UBE2G1: variants seen among roughly 807,000 people sequenced by gnomAD.
UBE2G1 encodes ubiquitin-conjugating enzyme E2 G1.
A neutral mutation model predicts 22.7 loss-of-function variants in UBE2G1; 5 were observed. The observed-to-expected ratio is 0.22, with a 90% CI of 0.12 to 0.46. UBE2G1 has a LOEUF of 0.46. Among genes scored for constraint, UBE2G1 ranks in the 20% least tolerant of loss-of-function variants. The pLI is 0.99. For synonymous variants in UBE2G1, 74 were observed against 67.5 expected (o/e 1.10, Z -0.47); for missense variants, 88 against 203.9 (o/e 0.43, Z 3.46).
chr17:4,279,603 A>G lies in UBE2G1; in HGVS notation c.*37+3195T>C, dbSNP rs1000494700. The stretch of plus-strand genomic sequence containing the variant: ...CATAAAGGAAAAGACTAATCAATTC[A>G]CCTGCATTAAAATTAAGAACCTCAG... On this transcript the variant is annotated intron_variant, in intron 5 of 5. Coordinates refer to ENST00000396981, the MANE Select transcript of UBE2G1 (RefSeq NM_003342.5). Among the ~76,000 whole-genome samples, 6 of 152,096 alleles carry G rather than the reference A, an allele frequency of 3.9e-5. No homozygotes were observed. In the South Asian group the frequency reaches 1.2e-3, roughly 32 times the overall value.
chr17:4,301,197 C>G (rs1192542331), intron 2 of UBE2G1, among the ~76,000 whole-genome samples: 1 of 152,224 alleles, frequency 6.6e-6, no homozygotes, highest in Non-Finnish European at 1.5e-5. Context: ...CTTGTCCATT[C>G]ATTCTATCCG....
At chr17:4,319,970 T>G (rs534368721) in intron 1 of UBE2G1, among the ~76,000 whole-genome samples, 1 of 152,050 alleles carries the variant, frequency 6.6e-6, no homozygotes, top group African/African-American at 2.4e-5. Flanking sequence ...AGCTTTTATA[T>G]ATATATATTT....
chr17:4,318,354 G>C (rs539842811), intron 1 of UBE2G1, among the ~76,000 whole-genome samples: 1 of 152,106 alleles, frequency 6.6e-6, no homozygotes, highest in Non-Finnish European at 1.5e-5. Context: ...GTTTCTAGTA[G>C]GACTGCCAAA....
At chr17:4,355,255 G>A (rs1051749604) in intron 1 of UBE2G1, among the ~76,000 whole-genome samples, 6 of 150,880 alleles carry the variant, frequency 4.0e-5, no homozygotes, top group African/African-American at 1.2e-4. Context: ...CACCTGCCTC[G>A]GCCTCCCAAA....
chr17:4,285,980 G>A (rs1298220368), intron 4 of UBE2G1, among the ~76,000 whole-genome samples: 1 of 151,556 alleles, frequency 6.6e-6, no homozygotes, highest in East Asian at 1.9e-4. Context: ...AGCCAAAGAA[G>A]AAAGGGACCC....
intron 1 of UBE2G1, among the ~76,000 whole-genome samples, chr17:4,346,796 C>T (rs1250348296): frequency 6.6e-6 from 1 of 151,942 alleles, no homozygotes; most frequent in Non-Finnish European, 1.5e-5. Context: ...CTCTGTGATT[C>T]ATTCAAAATA....
intron 3 of UBE2G1, among the ~76,000 whole-genome samples, chr17:4,294,727 C>A (rs991685648): frequency 6.6e-6 from 1 of 151,950 alleles, no homozygotes; most frequent in Non-Finnish European, 1.5e-5. Flanking sequence ...GCCTGGCCAA[C>A]AACATGGTGA....
At chr17:4,282,185 C>T (rs1436305037) in intron 5 of UBE2G1, among the ~76,000 whole-genome samples, 1 of 152,140 alleles carries the variant, frequency 6.6e-6, no homozygotes, top group Non-Finnish European at 1.5e-5. Flanking sequence ...CAGGTTCAAG[C>T]GATTCTCCTC....
intron 5 of UBE2G1, among the ~76,000 whole-genome samples, chr17:4,272,782 T>C (rs748803649): frequency 1.3e-5 from 2 of 152,210 alleles, no homozygotes; most frequent in African/African-American, 2.4e-5. Flanking sequence ...CACATGTGGC[T>C]AGTGACTGGC....
At chr17:4,298,820 T>C (rs1387366924) in intron 2 of UBE2G1, among the ~76,000 whole-genome samples, 5 of 152,184 alleles carry the variant, frequency 3.3e-5, no homozygotes. Flanking sequence ...CGAAGAAATG[T>C]AGAAATGAAG....
At chr17:4,285,674 G>A (rs186969810) in intron 4 of UBE2G1, among the ~76,000 whole-genome samples, 7 of 152,262 alleles carry the variant, frequency 4.6e-5, no homozygotes, top group East Asian at 1.9e-4. Context: ...CAAAGCGGCC[G>A]GGCGAGGTGG....
chr17:4,310,278 T>G (rs1243616098), intron 1 of UBE2G1, among the ~76,000 whole-genome samples: 1 of 152,190 alleles, frequency 6.6e-6, no homozygotes, highest in African/African-American at 2.4e-5. Context: ...TTCTGGCACT[T>G]GACCAACATC....
At chr17:4,294,060 T>C (rs1196315407) in intron 3 of UBE2G1, among the ~76,000 whole-genome samples, 2 of 152,198 alleles carry the variant, frequency 1.3e-5, no homozygotes, top group African/African-American at 4.8e-5. Flanking sequence ...TTAAATGTCA[T>C]GAATTAAATG....
chr17:4,310,080 G>C (rs1567520452), intron 1 of UBE2G1, among the ~76,000 whole-genome samples: 1 of 152,176 alleles, frequency 6.6e-6, no homozygotes, highest in Non-Finnish European at 1.5e-5. Flanking sequence ...CCTAGGTCTA[G>C]ATGCATGAAT....
At chr17:4,352,531 G>A (rs1040289646) in intron 1 of UBE2G1, among the ~76,000 whole-genome samples, 1 of 152,194 alleles carries the variant, frequency 6.6e-6, no homozygotes, top group Non-Finnish European at 1.5e-5. Flanking sequence ...AAGGCTGCTA[G>A]GGCAGAGGAC....
At chr17:4,331,422 A>C (rs980386331) in intron 1 of UBE2G1, among the ~76,000 whole-genome samples, 4 of 152,206 alleles carry the variant, frequency 2.6e-5, no homozygotes, top group Admixed American at 6.5e-5. Context: ...TCTATTTAAA[A>C]TACTTTACAA....
At chr17:4,287,241 A>C (rs1968975541) in intron 4 of UBE2G1, among the ~76,000 whole-genome samples, 1 of 151,638 alleles carries the variant, frequency 6.6e-6, no homozygotes, top group South Asian at 2.1e-4. Context: ...AGCAGCTGGG[A>C]TTACAGGCGC....
intron 5 of UBE2G1, among the ~76,000 whole-genome samples, chr17:4,279,737 T>G (rs1968860637): frequency 7.9e-6 from 1 of 127,120 alleles, no homozygotes; most frequent in Non-Finnish European, 1.8e-5. Context: ...ATTGCACCAC[T>G]GCAATCCAGC....
intron 1 of UBE2G1, among the ~76,000 whole-genome samples, chr17:4,357,967 A>G (rs1050714123): frequency 1.3e-5 from 2 of 151,994 alleles, no homozygotes; most frequent in Non-Finnish European, 2.9e-5. Flanking sequence ...AGATATATGT[A>G]GACACAAAGA....
Sources: gnomAD v4.1 joint callset for allele counts (sites outside exome capture counted in the v4.1 genomes callset) on GRCh38, gnomAD v4.1.1 for gene constraint, MANE v1.5 for transcripts, NCBI Gene and HGNC (gene_info 2026-07-23, HGNC 2026-07-21) for gene names.